LRRTM1: variants seen among roughly 807,000 people sequenced by gnomAD.
LRRTM1 encodes leucine rich repeat transmembrane neuronal 1.
In LRRTM1, 8 loss-of-function variants were observed where a neutral mutation model predicts 37.3. The observed-to-expected ratio is 0.21, with a 90% confidence interval of 0.13 to 0.39. The LOEUF is 0.39. LRRTM1 is among the 10% of genes least tolerant of loss of function. The pLI, the probability that LRRTM1 is intolerant of heterozygous loss-of-function variation, is 1.00. For synonymous variants in LRRTM1, 326 were observed against 316.8 expected, an observed-to-expected ratio of 1.03 and a Z score of -0.31; for missense variants, 557 against 691.0, an observed-to-expected ratio of 0.81 and a Z score of 2.17.
At chr2:80,293,928 G>C (rs1675492925) in intron 2 of LRRTM1, among the ~76,000 whole-genome samples, 1 of 152,022 alleles carries the variant, frequency 6.6e-6, no homozygotes, top group Admixed American at 6.6e-5. Flanking sequence ...CAGAGGGGCA[G>C]TGGTGAAACT....
downstream of LRRTM1, among the ~76,000 whole-genome samples, chr2:80,301,201 G>T (rs138070929): frequency 3.6e-4 from 55 of 152,292 alleles, no homozygotes; most frequent in African/African-American, 1.3e-3. Context: ...ATAGAAACTA[G>T]GAATGTGCTG....
chr2:80,303,940 C>A lies in LRRTM1; in HGVS notation c.-59-62G>T. On this transcript the variant is annotated intron_variant, in intron 1 of 1. Coordinates refer to ENST00000295057, the MANE Select transcript of LRRTM1 (RefSeq NM_178839.5). This position sits in a 1 kb window ranked among gnomAD's most constrained non-coding sequence, Gnocchi z 7.7. The stretch of plus-strand genomic sequence containing the variant: ...GGAGGGGGAGAAAAGGGCAAAAAAT[C>A]AAATAAATACATAGAAATAAAGAAG... 1 of 1,176,498 alleles carries A rather than the reference C, an allele frequency of 8.5e-7. No homozygotes were observed. The highest frequency in any genetic ancestry group is 2.2e-5 in the South Asian group (1 of 45,446). 72.9% of individuals were successfully genotyped at this position (1,176,498 alleles called of 1,614,324 possible).
intron 2 of LRRTM1, among the ~76,000 whole-genome samples, chr2:80,291,908 A>T (rs1200453014): frequency 6.6e-6 from 1 of 152,190 alleles, no homozygotes; most frequent in Non-Finnish European, 1.5e-5. Flanking sequence ...AACCAGAACA[A>T]AGTCAGTGAG....
Position 80,303,569 on chromosome 2 carries a change from T to C in LRRTM1, c.251A>G (p.Gln84Arg). The C allele has an allele frequency of 1.2e-6, 2 of 1,614,210 alleles. No individual in the cohort carries two copies. Among genetic ancestry groups the C allele is most frequent in the Non-Finnish European group, 1.7e-6 (2 of 1,180,030 alleles). ...YNSLSELRAG[Q>R]FTGLMQLTWL... ...CGTGAGCTGCATTAACCCCGTGAAC[T>C]GGCCGGCGCGCAGCTCCGAGAGGCT... The change falls in exon 2 of 2, where the codon CAG becomes CGG. Residue 84 changes from glutamine (Q) to arginine (R), a missense_variant. Coordinates refer to ENST00000295057, the MANE Select transcript of LRRTM1 (RefSeq NM_178839.5). The surrounding 1 kb of genome is among the most constrained non-coding windows in gnomAD (Gnocchi z 7.7).
chr2:80,304,050 C>G, intron 1 of LRRTM1, 102 bp downstream of exon 1: 1 of 436,224 alleles, frequency 2.3e-6, no homozygotes, highest in Middle Eastern at 6.0e-4. Flanking sequence ...ACGGAAAGAT[C>G]AAAGAGATGG....
chr2:80,303,958 T>G lies in LRRTM1; in HGVS notation c.-59-80A>C. 9.8e-7 allele frequency: 1 copy of G among 1,020,884 alleles called. No individual in the cohort carries two copies. The highest frequency in any genetic ancestry group is 3.6e-5 in the Admixed American group (1 of 28,164). 63.2% of individuals were successfully genotyped at this position (1,020,884 alleles called of 1,614,324 possible). A position where few individuals can be genotyped will look rare whatever the true frequency, so the allele number is the denominator to read the frequency against. On this transcript the variant is annotated intron_variant, in intron 1 of 1. Coordinates refer to ENST00000295057, the MANE Select transcript of LRRTM1 (RefSeq NM_178839.5). The surrounding 1 kb of genome is among the most constrained non-coding windows in gnomAD (Gnocchi z 7.7). ...AAAAAATCAAATAAATACATAGAAA[T>G]AAAGAAGGACCCCCCTCCCCAAAAA...
rs1312873169 is a variant in LRRTM1 at position 80,302,275 on chromosome 2, C to T, written c.1545G>A (p.Gln515=). ...ATCACACCTCGCATTCCCTCGCGGG[C>T]TGCTGGTGGCAGGTACACGAGCCAT... ...NEYGSCTCHQ[Q]PARECEV The change falls in exon 2 of 2, where the codon CAG becomes CAA. Residue 515 remains glutamine, a synonymous_variant. Coordinates refer to ENST00000295057, the MANE Select transcript of LRRTM1 (RefSeq NM_178839.5). This position sits in a 1 kb window ranked among gnomAD's most constrained non-coding sequence, Gnocchi z 6.4. The T allele has an allele frequency of 6.2e-7, 1 of 1,613,794 alleles. No homozygotes were observed. Among genetic ancestry groups the T allele is most frequent in the Non-Finnish European group, 8.5e-7 (1 of 1,179,810 alleles).
At chr2:80,301,037 A>G (rs1444558624), downstream of LRRTM1, among the ~76,000 whole-genome samples, 11 of 152,016 alleles carry the variant, frequency 7.2e-5, no homozygotes, top group Non-Finnish European at 1.6e-4. Context: ...AATTATTCCC[A>G]TCTCAGAAAT....
At chr2:80,290,985 T>C (rs971399328) in intron 2 of LRRTM1, among the ~76,000 whole-genome samples, 8 of 152,244 alleles carry the variant, frequency 5.3e-5, no homozygotes, top group Non-Finnish European at 2.9e-5. Context: ...GGTTTCACTA[T>C]GGCCAAAGCA....
chr2:80,300,291 T>G (rs1047637663), downstream of LRRTM1, among the ~76,000 whole-genome samples: 1 of 68,874 alleles, frequency 1.5e-5, no homozygotes, highest in Non-Finnish European at 2.6e-5. Flanking sequence ...GGTGTGTGTG[T>G]GTGTGTGTGT....
Position 80,303,178 on chromosome 2 carries a change from C to T in LRRTM1, c.642G>A (p.Leu214=). The part of the protein sequence containing the change: ...SFAGLFKLTE[L]HLEHNDLVKV... ...TGACCAAGTCGTTGTGCTCGAGGTG[C>T]AGCTCGGTGAGCTTAAACAAGCCGG... The change falls in exon 2 of 2, where the codon CTG becomes CTA. Residue 214 remains leucine (L), a synonymous_variant. Transcript: ENST00000295057. This position sits in a 1 kb window ranked among gnomAD's most constrained non-coding sequence, Gnocchi z 7.7. The T allele has an allele frequency of 6.2e-7, 1 of 1,614,050 alleles. No homozygotes were observed. Among genetic ancestry groups the T allele is most frequent in the South Asian group, 1.1e-5 (1 of 91,080 alleles).
rs763178273 is a variant in LRRTM1 at position 80,303,645 on chromosome 2, C to T, written c.175G>A (p.Glu59Lys). 1 of 1,613,378 alleles carries T rather than the reference C, an allele frequency of 6.2e-7. No homozygotes were observed. The highest frequency in any genetic ancestry group is 8.5e-7 in the Non-Finnish European group (1 of 1,179,596). The change falls in exon 2 of 2, where the codon GAG (glutamate) becomes AAG (lysine). Residue 59 changes from glutamate to lysine, a missense_variant. By Grantham distance (56) the Glu-to-Lys change is moderately conservative (BLOSUM62 1). This residue lies in a region of LRRTM1 where 140 missense variants were observed against 138.1 expected (regional missense o/e 1.01). Coordinates refer to ENST00000295057, the MANE Select transcript of LRRTM1 (RefSeq NM_178839.5). The surrounding 1 kb of genome is among the most constrained non-coding windows in gnomAD (Gnocchi z 7.7). ...AGGCCGGACAGGTTGTGGGGCGCCT[C>T]GGTGAGGTTGAGCGCCTCGCAGTAC... ...LLYCEALNLTEAPHNLSGLLG... is the reference protein window; with the variant it reads ...LLYCEALNLTKAPHNLSGLLG...
In LRRTM1 at chr2:80,302,286, A is replaced by G. The variant is rs868345609; in HGVS notation, c.1534T>C (p.Cys512Arg). 6 of 1,613,788 alleles carry G rather than the reference A, an allele frequency of 3.7e-6. No homozygotes were observed. In the African/African-American group the frequency reaches 6.7e-5, roughly 18 times the overall value. ...CATTCCCTCGCGGGCTGCTGGTGGC[A>G]GGTACACGAGCCATACTCGTTGATG... ...VIINEYGSCT[C>R]HQQPARECEV The change falls in exon 2 of 2, where the codon TGC (cysteine) becomes CGC (arginine). Residue 512 changes from cysteine (C) to arginine (R), a missense_variant. Cys to Arg is a radical substitution (Grantham distance 180, BLOSUM62 -3). Transcript: ENST00000295057. The surrounding 1 kb of genome is among the most constrained non-coding windows in gnomAD (Gnocchi z 6.4).
At chr2:80,291,964 G>A (rs1675302547) in intron 2 of LRRTM1, among the ~76,000 whole-genome samples, 1 of 152,204 alleles carries the variant, frequency 6.6e-6, no homozygotes, top group Admixed American at 6.5e-5. Flanking sequence ...TGGGAAGGAA[G>A]CCATGTGTAG....
chr2:80,297,025 G>A (rs1243446655), downstream of LRRTM1, among the ~76,000 whole-genome samples: 7 of 152,118 alleles, frequency 4.6e-5, no homozygotes, highest in East Asian at 1.3e-3. Flanking sequence ...TATTTTAAGG[G>A]GTCGGACTGA....
chr2:80,302,204 T>C lies in LRRTM1; in HGVS notation c.*47A>G. 2.5e-6 allele frequency: 4 copies of C among 1,575,972 alleles called. No homozygotes were observed. The highest frequency in any genetic ancestry group is 1.7e-6 in the Non-Finnish European group (2 of 1,160,234). Reference sequence around the variant, plus strand: ...CTGGTGCCCGCCGGCCCGTCCCGGCTGCCCAGGCGTATTTGGTAGCGCATG... The same window carrying C: ...CTGGTGCCCGCCGGCCCGTCCCGGCCGCCCAGGCGTATTTGGTAGCGCATG... On this transcript the variant is annotated 3_prime_UTR_variant, in exon 2 of 2. Transcript: ENST00000295057. This position sits in a 1 kb window ranked among gnomAD's most constrained non-coding sequence, Gnocchi z 6.4.
At chr2:80,289,629 C>T (rs1164323138) in intron 2 of LRRTM1, among the ~76,000 whole-genome samples, 1 of 152,104 alleles carries the variant, frequency 6.6e-6, no homozygotes, top group Admixed American at 6.6e-5. Flanking sequence ...AGCAATTTGG[C>T]CAACTCAATG....
Position 80,302,914 on chromosome 2 carries a change from A to C in LRRTM1, c.906T>G (p.Ser302=). ...GGGTGATGCTTGTCAGGGACTTCCA[A>C]GAGTTGAGGATCCGGGGCTCGATGT... The part of the protein sequence containing the change: ...LTYIEPRILN[S]WKSLTSITLA... The change falls in exon 2 of 2, where the codon TCT becomes TCG. Residue 302 remains serine (S), a synonymous_variant. Coordinates refer to ENST00000295057, the MANE Select transcript of LRRTM1 (RefSeq NM_178839.5). This position sits in a 1 kb window ranked among gnomAD's most constrained non-coding sequence, Gnocchi z 6.4. 1 of 1,613,978 alleles carries C rather than the reference A, an allele frequency of 6.2e-7. No homozygotes were observed. The highest frequency in any genetic ancestry group is 8.5e-7 in the Non-Finnish European group (1 of 1,180,010).
In LRRTM1 at chr2:80,302,637, C is replaced by T. The variant is rs147965918; in HGVS notation, c.1183G>A (p.Ala395Thr). Reference protein sequence around the residue: ...GPPASSATTLADGGEGQHDGT... With the variant: ...GPPASSATTLTDGGEGQHDGT... ...TCGTGCTGCCCCTCCCCGCCGTCCG[C>T]GAGCGTGGTGGCCGAGCTGGCAGGG... The change falls in exon 2 of 2, where the codon GCG (alanine) becomes ACG (threonine). Residue 395 changes from alanine (A) to threonine (T), a missense_variant. Physicochemically the swap from Ala to Thr is moderately conservative, Grantham distance 58. This residue lies in a region of LRRTM1 where 89 missense variants were observed against 80.7 expected (regional missense o/e 1.10). Coordinates refer to ENST00000295057, the MANE Select transcript of LRRTM1 (RefSeq NM_178839.5). This position sits in a 1 kb window ranked among gnomAD's most constrained non-coding sequence, Gnocchi z 6.4. 58 of 1,607,262 alleles carry T rather than the reference C, an allele frequency of 3.6e-5. No homozygotes were observed. In the African/African-American group the frequency reaches 5.9e-4, roughly 16 times the overall value.
Sources: allele counts gnomAD v4.1 joint callset (sites outside exome capture counted in the v4.1 genomes callset), GRCh38; gene constraint gnomAD v4.1.1; regional missense constraint gnomAD v4.1.1; non-coding constraint Gnocchi (gnomAD v3.1); transcripts MANE v1.5; gene names NCBI Gene and HGNC (gene_info 2026-07-23, HGNC 2026-07-21).